Variants in FBXO25 observed in about 807,000 individuals in gnomAD.
FBXO25 encodes F-box only protein 25.
In FBXO25, 45 loss-of-function variants were observed where a neutral mutation model predicts 51.9. That is an observed-to-expected ratio of 0.87 (90% CI 0.68 to 1.11). The LOEUF is 1.11. FBXO25 is among the 50% of genes most tolerant of loss of function. The pLI, the probability that FBXO25 is intolerant of heterozygous loss-of-function variation, is 0.00. For synonymous variants in FBXO25, 199 were observed against 151.0 expected (o/e 1.32, Z -2.33); for missense variants, 507 against 428.5 (o/e 1.18, Z -1.62).
intron 4 of FBXO25, among the ~76,000 whole-genome samples, chr8:434,288 C>G (rs1276252126): frequency 6.6e-6 from 1 of 152,198 alleles, no homozygotes; most frequent in African/African-American, 2.4e-5. Flanking sequence ...TCTTTGTGGT[C>G]TGCTCTGTGA....
chr8:443,466 C>G (rs1798549685), intron 5 of FBXO25, among the ~76,000 whole-genome samples: 1 of 151,784 alleles, frequency 6.6e-6, no homozygotes, highest in Non-Finnish European at 1.5e-5. Flanking sequence ...GATAAAAAAG[C>G]AGACGTTCTT....
At chr8:456,976 C>T (rs1263519348) in intron 7 of FBXO25, among the ~76,000 whole-genome samples, 1 of 152,202 alleles carries the variant, frequency 6.6e-6, no homozygotes, top group East Asian at 1.9e-4. Context: ...GAACCAAACT[C>T]ATGGAATTAG....
chr8:431,530 A>G (rs1300576307), intron 3 of FBXO25, 86 bp downstream of exon 3: 2 of 686,866 alleles, frequency 2.9e-6, no homozygotes, highest in Non-Finnish European at 4.8e-6. Flanking sequence ...TATGAAATAA[A>G]AGGTGATACA....
At chr8:443,638 G>T (rs1168274744) in intron 5 of FBXO25, among the ~76,000 whole-genome samples, 3 of 151,062 alleles carry the variant, frequency 2.0e-5, no homozygotes, top group African/African-American at 7.3e-5. Flanking sequence ...GCCTGAAGTG[G>T]AGGGCATGTT....
At chr8:413,444 A>C (rs930847729) in intron 2 of FBXO25, among the ~76,000 whole-genome samples, 1 of 152,040 alleles carries the variant, frequency 6.6e-6, no homozygotes, top group African/African-American at 2.4e-5. Flanking sequence ...TCCTCACAAT[A>C]ATTGGGAGAG....
chr8:425,696 A>G (rs1164864015), intron 2 of FBXO25, among the ~76,000 whole-genome samples: 1 of 151,866 alleles, frequency 6.6e-6, no homozygotes, highest in African/African-American at 2.4e-5. Flanking sequence ...AATTCTCTAT[A>G]TATTTTCCCA....
At chr8:427,768 G>GT (rs1233990876) in intron 2 of FBXO25, among the ~76,000 whole-genome samples, 1 of 150,398 alleles carries the variant, frequency 6.6e-6, no homozygotes, top group Non-Finnish European at 1.5e-5. Flanking sequence ...GGTAACAAAA[G>GT]TTTTGTGACA....
chr8:458,342 T>C (rs201016005), intron 7 of FBXO25, 27 bp from the exon 8 acceptor site: 28 of 1,604,622 alleles, frequency 1.7e-5, no homozygotes, highest in African/African-American at 2.7e-5. Flanking sequence ...ATCTTCTCAG[T>C]GAGTTGCTGT....
intron 2 of FBXO25, among the ~76,000 whole-genome samples, chr8:422,759 G>A (rs565938012): frequency 5.3e-5 from 8 of 152,308 alleles, no homozygotes; most frequent in African/African-American, 1.4e-4. Context: ...TGGGGCCTGC[G>A]TCAGCACAGG....
intron 1 of FBXO25, 147 bp from the exon 2 acceptor site, chr8:412,926 C>G (rs1284082995): frequency 1.3e-6 from 1 of 778,196 alleles, no homozygotes; most frequent in African/African-American, 1.8e-5. Flanking sequence ...GTTATTGTCA[C>G]TGTCACCAAT....
At chr8:449,083 A>G (rs925671324) in intron 5 of FBXO25, among the ~76,000 whole-genome samples, 1 of 101,976 alleles carries the variant, frequency 9.8e-6, no homozygotes, top group Middle Eastern at 5.5e-3. Context: ...AAGGCTGGTA[A>G]AAGTAAAAGA....
At chr8:457,149 C>T (rs986245627) in intron 7 of FBXO25, among the ~76,000 whole-genome samples, 10 of 152,212 alleles carry the variant, frequency 6.6e-5, no homozygotes, top group South Asian at 2.1e-4. Context: ...CAGGTGAGCA[C>T]ACGACAGAAG....
At chr8:451,910 A>T (rs1168079107) in intron 7 of FBXO25, among the ~76,000 whole-genome samples, 1 of 152,218 alleles carries the variant, frequency 6.6e-6, no homozygotes, top group Admixed American at 6.5e-5. Flanking sequence ...GGTGCAAATC[A>T]TGTCAGTTTT....
At chr8:451,080 G>A in intron 6 of FBXO25, 189 bp from the exon 7 acceptor site, 5 of 533,068 alleles carry the variant, frequency 9.4e-6, no homozygotes, top group Non-Finnish European at 1.6e-5. Flanking sequence ...TGTCTTCAGG[G>A]TTCATCCATG....
At chr8:407,336 G>A (rs1313645235) in intron 1 of FBXO25, 2 of 969,452 alleles carry the variant, frequency 2.1e-6, no homozygotes, top group African/African-American at 3.6e-5. Context: ...AGGTGGGGAC[G>A]GGATTGCCGC....
chr8:474,674 G>T lies in FBXO25; in HGVS notation c.*5870G>T, dbSNP rs976351107. 2.2e-6 allele frequency: 1 copy of T among 448,774 alleles called. No individual in the cohort carries two copies. Among genetic ancestry groups the T allele is most frequent in the African/African-American group, 2.0e-5 (1 of 49,482 alleles). The allele number at this position is 448,774 out of a possible 1,614,324, so 27.8% of individuals were successfully genotyped here. ...GTTGGCCGTTTATATGTCGTCTTTG[G>T]AGAAATGTCTATTTGGGCTCTTTGT... On this transcript the variant is annotated 3_prime_UTR_variant, in exon 10 of 10. Coordinates refer to ENST00000350302, the MANE Select transcript of FBXO25 (RefSeq NM_183420.2).
At chr8:413,406 CT>C (rs879340184) in intron 2 of FBXO25, among the ~76,000 whole-genome samples, 193 bp downstream of exon 2, 131 of 145,786 alleles carry the variant, frequency 9.0e-4, no homozygotes, top group Admixed American at 1.4e-3. Flanking sequence ...ATGCTTTCGT[CT>C]TTTTTTTTTT....
In FBXO25 at chr8:476,748, T is replaced by G. The variant is rs1185462272; in HGVS notation, c.*7944T>G. On this transcript the variant is annotated 3_prime_UTR_variant, in exon 10 of 10. Transcript: ENST00000350302. ...TAGTCACTCTTAGCTATCAACAAACTCTTGGTTTCATTTATTTTTCTCTAT... is the reference window on the plus strand; with the variant it reads ...TAGTCACTCTTAGCTATCAACAAACGCTTGGTTTCATTTATTTTTCTCTAT... 2.0e-5 allele frequency: 3 copies of G among 152,118 alleles called. No homozygotes were observed. Among genetic ancestry groups the G allele is most frequent in the Non-Finnish European group, 4.4e-5 (3 of 68,018 alleles). The allele number at this position is 152,118 out of a possible 1,614,324, so 9.4% of individuals were successfully genotyped here. A position where few individuals can be genotyped will look rare whatever the true frequency, so the allele number is the denominator to read the frequency against.
Position 476,731 on chromosome 8 carries a change from C to G in FBXO25, c.*7927C>G, listed in dbSNP as rs1215742739. ...TTTTTAGTTGTTTTTCTTAGTCACTCTTAGCTATCAACAAACTCTTGGTTT... is the reference window on the plus strand; with the variant it reads ...TTTTTAGTTGTTTTTCTTAGTCACTGTTAGCTATCAACAAACTCTTGGTTT... On this transcript the variant is annotated 3_prime_UTR_variant, in exon 10 of 10. Transcript: ENST00000350302. 1 of 152,058 alleles carries G rather than the reference C, an allele frequency of 6.6e-6. No individual in the cohort carries two copies. Among genetic ancestry groups the G allele is most frequent in the Non-Finnish European group, 1.5e-5 (1 of 68,006 alleles). The allele number at this position is 152,058 out of a possible 1,614,324, so 9.4% of individuals were successfully genotyped here. A position where few individuals can be genotyped will look rare whatever the true frequency, so the allele number is the denominator to read the frequency against.
Sources: gnomAD v4.1 joint callset for allele counts (sites outside exome capture counted in the v4.1 genomes callset) on GRCh38, gnomAD v4.1.1 for gene constraint, MANE v1.5 for transcripts, NCBI Gene and HGNC (gene_info 2026-07-23, HGNC 2026-07-21) for gene names.